The following CNTNAP3B variants were observed in gnomAD, a reference collection of about 807,000 sequenced individuals.
The protein encoded by CNTNAP3B is contactin associated protein family member 3B.
CNTNAP3B carries 25 observed loss-of-function variants against 108.9 expected under a neutral mutation model. The observed-to-expected ratio is 0.23, with a 90% CI of 0.17 to 0.32. The LOEUF (loss-of-function observed/expected upper bound fraction) is 0.32, where lower values mean the gene tolerates loss of function less well. CNTNAP3B is among the 10% of genes least tolerant of loss of function. The pLI is 1.00. For synonymous variants in CNTNAP3B, 103 were observed against 473.4 expected, an observed-to-expected ratio of 0.22 and a Z score of 10.16; for missense variants, 252 against 1,210.4, an observed-to-expected ratio of 0.21 and a Z score of 11.75.
At chr9:41,930,758 C>A (rs1274055099) in intron 14 of CNTNAP3B, among the ~76,000 whole-genome samples, 2 of 152,274 alleles carry the variant, frequency 1.3e-5, no homozygotes, top group Admixed American at 6.5e-5. Context: ...CCTGGAGGAT[C>A]CCCTAGGGGA....
intron 13 of CNTNAP3B, among the ~76,000 whole-genome samples, chr9:41,951,603 C>A (rs1420359578): frequency 6.6e-6 from 1 of 152,296 alleles, no homozygotes; most frequent in Non-Finnish European, 1.5e-5. Context: ...AAGGAATGGC[C>A]TAAATTTCCA....
rs949752651 is a variant in CNTNAP3B at position 42,047,286 on chromosome 9, C to T, written c.390+29583G>A. Among the ~76,000 whole-genome samples, 7 of 116,276 alleles carry T rather than the reference C, an allele frequency of 6.0e-5. 1 individual carries two copies. The highest frequency in any genetic ancestry group is 2.6e-4 in the African/African-American group (7 of 27,298). 76.3% of individuals were successfully genotyped at this position (116,276 alleles called of 152,430 possible). A position where few individuals can be genotyped will look rare whatever the true frequency, so the allele number is the denominator to read the frequency against. ...GACTTCTCCGTATTATTTGGCATCG[C>T]TGCAGGGTTCAGACTTTGAATGAAG... On this transcript the variant is annotated intron_variant, in intron 3 of 23. Coordinates refer to ENST00000377561, the MANE Select transcript of CNTNAP3B (RefSeq NM_001201380.3).
intron 1 of CNTNAP3B, among the ~76,000 whole-genome samples, chr9:42,112,175 C>T (rs537825029): frequency 5.0e-5 from 7 of 140,122 alleles, no homozygotes; most frequent in Admixed American, 7.1e-5. Context: ...ACCGCTCACC[C>T]GATGACATTG....
rs1449307987 is a variant in CNTNAP3B, at chr9:42,117,062, A to G, written c.85+11948T>C. ...GGTGTACAAACAGACTTAGACTTCC[A>G]CACAATAATAATGGGAGATTTTAAC... On this transcript the variant is annotated intron_variant, in intron 1 of 23. Coordinates refer to ENST00000377561, the MANE Select transcript of CNTNAP3B (RefSeq NM_001201380.3). Among the ~76,000 whole-genome samples the G allele has an allele frequency of 2.2e-5, 3 of 138,996 alleles. 1 individual carries two copies. The highest frequency in any genetic ancestry group is 4.6e-5 in the Non-Finnish European group (3 of 64,950). The allele number at this position is 138,996 out of a possible 152,430, so 91.2% of individuals were successfully genotyped here.
chr9:42,075,957 C>T, intron 3 of CNTNAP3B, among the ~76,000 whole-genome samples: 1 of 135,022 alleles, frequency 7.4e-6, no homozygotes, highest in Non-Finnish European at 1.6e-5. Flanking sequence ...CTCCCGGGTT[C>T]AAGTGATTCT....
At chr9:42,071,140 C>A (rs1827369805) in intron 3 of CNTNAP3B, among the ~76,000 whole-genome samples, 1 of 141,636 alleles carries the variant, frequency 7.1e-6, no homozygotes, top group Admixed American at 7.0e-5. Flanking sequence ...TACATGGGAA[C>A]AAGAAATAAT....
intron 17 of CNTNAP3B, among the ~76,000 whole-genome samples, chr9:41,921,037 G>A (rs62536555): frequency 7.3e-3 from 1,097 of 151,022 alleles, no homozygotes; most frequent in South Asian, 0.023. Flanking sequence ...TAGGAGCATG[G>A]AAATTACCTA....
intron 1 of CNTNAP3B, among the ~76,000 whole-genome samples, chr9:42,127,135 T>C (rs1828588621): frequency 1.4e-5 from 2 of 138,636 alleles, no homozygotes; most frequent in African/African-American, 2.9e-5. Flanking sequence ...GATATGAGGA[T>C]ACTAAGTTTC....
chr9:41,960,580 C>A (rs1341322852), intron 12 of CNTNAP3B, among the ~76,000 whole-genome samples, 193 bp downstream of exon 12: 17 of 152,268 alleles, frequency 1.1e-4, no homozygotes, highest in African/African-American at 3.9e-4. Flanking sequence ...AGCATTGAAT[C>A]TTGCCTATAA....
chr9:42,062,964 T>A (rs1827200140), intron 3 of CNTNAP3B, among the ~76,000 whole-genome samples: 1 of 98,844 alleles, frequency 1.0e-5, no homozygotes. Context: ...TTGATGCTTT[T>A]TATATTGTGT....
chr9:42,067,956 G>A (rs1454486167), intron 3 of CNTNAP3B, among the ~76,000 whole-genome samples: 6 of 134,180 alleles, frequency 4.5e-5, no homozygotes, highest in Admixed American at 7.5e-5. Context: ...ATTATATAGA[G>A]GATTATACTT....
intron 9 of CNTNAP3B, chr9:41,980,027 G>A (rs1444363717): frequency 2.4e-5 from 2 of 81,896 alleles, no homozygotes; most frequent in Non-Finnish European, 4.5e-5. Flanking sequence ...ATCTGATGGA[G>A]GTTGGAATGT....
intron 2 of CNTNAP3B, among the ~76,000 whole-genome samples, chr9:42,097,891 T>C (rs1268116323): frequency 7.2e-6 from 1 of 138,568 alleles, no homozygotes; most frequent in Non-Finnish European, 1.5e-5. Context: ...GCTTCAAAAG[T>C]TGAAGTCCAA....
intron 13 of CNTNAP3B, among the ~76,000 whole-genome samples, chr9:41,939,014 G>C (rs1824246994): frequency 6.6e-6 from 1 of 152,228 alleles, no homozygotes; most frequent in Non-Finnish European, 1.5e-5. Flanking sequence ...AAGTGCCCTG[G>C]GTCAACTACA....
chr9:42,075,342 T>C (rs1425709605), intron 3 of CNTNAP3B, among the ~76,000 whole-genome samples: 2 of 142,198 alleles, frequency 1.4e-5, no homozygotes, highest in Non-Finnish European at 3.0e-5. Flanking sequence ...CAATCCAGGA[T>C]AGAGATGCAG....
chr9:42,063,851 C>T (rs1280376352), intron 3 of CNTNAP3B, among the ~76,000 whole-genome samples: 4 of 150,292 alleles, frequency 2.7e-5, no homozygotes, highest in Non-Finnish European at 4.4e-5. Context: ...CCTCCCAAAG[C>T]GCTGACATTA....
chr9:41,958,838 C>T (rs1258960100), intron 12 of CNTNAP3B, among the ~76,000 whole-genome samples: 1 of 148,888 alleles, frequency 6.7e-6, no homozygotes, highest in Non-Finnish European at 1.5e-5. Flanking sequence ...TTTCACCTTC[C>T]CTTTCTGGAA....
At chr9:42,014,722 T>G (rs1587200030) in intron 3 of CNTNAP3B, among the ~76,000 whole-genome samples, 1 of 44,016 alleles carries the variant, frequency 2.3e-5, no homozygotes, top group Non-Finnish European at 4.0e-5. Flanking sequence ...ACCCGGGAGG[T>G]GGAGCTTGCA....
Position 41,953,272 on chromosome 9 carries a change from C to T in CNTNAP3B, c.1991G>A (p.Gly664Glu), listed in dbSNP as rs763434986. 19 of 1,527,276 alleles carry T rather than the reference C, an allele frequency of 1.2e-5. No individual in the cohort carries two copies. Among genetic ancestry groups the T allele is most frequent in the African/African-American group, 4.2e-5 (3 of 72,168 alleles). The allele number at this position is 1,527,276 out of a possible 1,614,324, so 94.6% of individuals were successfully genotyped here. Residue 664 changes from glycine to glutamate, a missense_variant, in exon 13 of 24, where the codon GGG becomes GAG. Gly to Glu is a moderately conservative substitution (Grantham distance 98). Coordinates refer to ENST00000377561, the MANE Select transcript of CNTNAP3B (RefSeq NM_001201380.3). ...AVSFAYAAGA[G>E]QLRAAVNLAE... ...CAGGTTCACCGCGGCCCGCAGCTGCCCCGCGCCCGCTGCGTACGCGAAGGA... is the reference window on the plus strand; with the variant it reads ...CAGGTTCACCGCGGCCCGCAGCTGCTCCGCGCCCGCTGCGTACGCGAAGGA...
Sources: allele counts gnomAD v4.1 joint callset (sites outside exome capture counted in the v4.1 genomes callset), GRCh38; gene constraint gnomAD v4.1.1; transcripts MANE v1.5; gene names NCBI Gene and HGNC (gene_info 2026-07-23, HGNC 2026-07-21).